PTPRT: variants seen among roughly 807,000 people sequenced by gnomAD.
The protein encoded by PTPRT is receptor-type tyrosine-protein phosphatase T.
In PTPRT, 56 loss-of-function variants were observed where a neutral mutation model predicts 176.8. The ratio of observed to expected loss-of-function variants is 0.32; its 90% CI spans 0.26 to 0.40. The LOEUF (loss-of-function observed/expected upper bound fraction) is 0.40. Ranked by LOEUF, PTPRT falls within the 10% of genes least tolerant of loss-of-function variation. PTPRT has a pLI of 1.00. For missense variants in PTPRT, 1,540 were observed against 1,908.2 expected, an observed-to-expected ratio of 0.81 and a Z score of 3.60; for synonymous variants, 783 against 739.0, an observed-to-expected ratio of 1.06 and a Z score of -0.96.
chr20:42,239,177 A>G (rs1021092448), intron 14 of PTPRT, among the ~76,000 whole-genome samples: 2 of 152,184 alleles, frequency 1.3e-5, no homozygotes, highest in African/African-American at 4.8e-5. Flanking sequence ...CCTCTTTAGG[A>G]ATAATAAAAT....
At chr20:43,152,314 T>A (rs2014381837) in intron 1 of PTPRT, among the ~76,000 whole-genome samples, 1 of 152,228 alleles carries the variant, frequency 6.6e-6, no homozygotes, top group Non-Finnish European at 1.5e-5. Context: ...TCCCCTAGTA[T>A]CTTTGTTTTC....
intron 2 of PTPRT, among the ~76,000 whole-genome samples, chr20:42,831,419 A>C (rs1199945250): frequency 6.6e-6 from 1 of 152,228 alleles, no homozygotes; most frequent in Admixed American, 6.5e-5. Flanking sequence ...CCAAACTATA[A>C]AAACCCTAGA....
chr20:42,421,070 G>A (rs73121632), intron 9 of PTPRT, among the ~76,000 whole-genome samples: 17,674 of 152,148 alleles, frequency 0.12, 1,016 homozygotes, highest in Middle Eastern at 0.14. Context: ...GGTTGATCCA[G>A]AACTGCTTCT....
At chr20:42,163,511 T>A (rs904917875) in intron 16 of PTPRT, among the ~76,000 whole-genome samples, 1 of 152,186 alleles carries the variant, frequency 6.6e-6, no homozygotes. Context: ...GTTCCCTTTC[T>A]CCATCAACCC....
At chr20:42,271,684 C>A (rs1241059252) in intron 13 of PTPRT, among the ~76,000 whole-genome samples, 2 of 152,208 alleles carry the variant, frequency 1.3e-5, no homozygotes, top group African/African-American at 4.8e-5. Context: ...AGGTTGTATT[C>A]AAACCCTGGT....
At chr20:42,478,296 T>C (rs1272511721) in intron 7 of PTPRT, among the ~76,000 whole-genome samples, 1 of 152,190 alleles carries the variant, frequency 6.6e-6, no homozygotes, top group Non-Finnish European at 1.5e-5. Flanking sequence ...CAGGCTTGTG[T>C]TCATGCATGT....
chr20:43,177,993 G>A (rs959192452), intron 1 of PTPRT, among the ~76,000 whole-genome samples: 2 of 152,158 alleles, frequency 1.3e-5, no homozygotes, highest in Non-Finnish European at 2.9e-5. Flanking sequence ...TCATTGAGAT[G>A]GAAAATTCAC....
the PTPRT span, among the ~76,000 whole-genome samples, chr20:42,048,625 C>T: frequency 4.6e-5 from 7 of 152,154 alleles, 1 homozygote; most frequent in African/African-American, 1.7e-4. Context: ...CATCAACCTA[C>T]AGACATGTGA....
At chr20:43,025,772 G>T (rs1025163822) in intron 1 of PTPRT, among the ~76,000 whole-genome samples, 2 of 152,098 alleles carry the variant, frequency 1.3e-5, no homozygotes, top group Non-Finnish European at 2.9e-5. Flanking sequence ...AAATTCTATT[G>T]GTAACTGTCA....
At position 42,739,745 on chromosome 20, in the gene PTPRT, T is replaced by C. The variant is rs145284692; in HGVS notation, c.859+16717A>G. Among the ~76,000 whole-genome samples the C allele has an allele frequency of 7.4e-4, 112 of 152,324 alleles. 1 individual carries two copies. The highest frequency in any genetic ancestry group is 6.9e-3 in the Admixed American group (105 of 15,298). ...TTAAGGTATTAATAGATCATTCTCA[T>C]TGTTATTTAAGCCTGAAAGCAGGAG... On this transcript the variant is annotated intron_variant, in intron 6 of 30. Coordinates refer to ENST00000373187, the MANE Select transcript of PTPRT (RefSeq NM_007050.6).
intron 6 of PTPRT, among the ~76,000 whole-genome samples, chr20:42,704,224 C>G (rs1277109317): frequency 1.3e-5 from 2 of 152,054 alleles, no homozygotes; most frequent in Non-Finnish European, 2.9e-5. Context: ...GTCCCCACTT[C>G]CTAACAGCTC....
Position 42,073,726 on chromosome 20 carries a change from A to G in PTPRT, c.*7153T>C, listed in dbSNP as rs2146047013. The G allele has an allele frequency of 4.5e-6, 1 of 224,268 alleles. No homozygotes were observed. Among genetic ancestry groups the G allele is most frequent in the Non-Finnish European group, 8.9e-6 (1 of 112,472 alleles). 13.9% of individuals were successfully genotyped at this position (224,268 alleles called of 1,614,324 possible). Reference sequence around the variant, plus strand: ...GCATGTTGGCCTGCTCAGTGGGGGCACTTGGGTGGGAGAGCAGGGGGCTTC... The same window carrying G: ...GCATGTTGGCCTGCTCAGTGGGGGCGCTTGGGTGGGAGAGCAGGGGGCTTC... On this transcript the variant is annotated 3_prime_UTR_variant, in exon 31 of 31. Coordinates refer to ENST00000373187, the MANE Select transcript of PTPRT (RefSeq NM_007050.6).
intron 2 of PTPRT, among the ~76,000 whole-genome samples, chr20:42,846,032 C>A (rs1016774426): frequency 6.6e-6 from 1 of 152,144 alleles, no homozygotes. Context: ...AGGGACGCTA[C>A]AAGGCAGCTG....
intron 6 of PTPRT, among the ~76,000 whole-genome samples, chr20:42,693,602 T>C (rs1437884990): frequency 6.6e-6 from 1 of 152,222 alleles, no homozygotes; most frequent in African/African-American, 2.4e-5. Flanking sequence ...GACACTTCAC[T>C]GTGGTAGGAG....
At chr20:42,700,062 C>T (rs1198116191) in intron 6 of PTPRT, among the ~76,000 whole-genome samples, 1 of 152,128 alleles carries the variant, frequency 6.6e-6, no homozygotes, top group Non-Finnish European at 1.5e-5. Context: ...CCAGCTTGGC[C>T]ACTGGGCAGT....
At chr20:42,378,844 C>A (rs2058673079) in intron 9 of PTPRT, among the ~76,000 whole-genome samples, 3 of 152,200 alleles carry the variant, frequency 2.0e-5, no homozygotes, top group Admixed American at 2.0e-4. Flanking sequence ...TTAAATAATT[C>A]ATGCAAAGCT....
chr20:42,091,264 G>C lies in PTPRT; in HGVS notation c.3847-5411C>G, dbSNP rs534013572. Among the ~76,000 whole-genome samples the C allele has an allele frequency of 2.2e-4, 34 of 152,288 alleles. No individual in the cohort carries two copies. The South Asian group carries it at 3.7e-3, about 17-fold the overall frequency. On this transcript the variant is annotated intron_variant, in intron 27 of 30. Transcript: ENST00000373187. ...TTTGGGCCATGAAAAGATGTCCTTG[G>C]GGGGTGCAAGTTCACGTGTGATATA...
At chr20:42,407,059 C>G (rs987253285) in intron 9 of PTPRT, among the ~76,000 whole-genome samples, 1 of 152,122 alleles carries the variant, frequency 6.6e-6, no homozygotes, top group Non-Finnish European at 1.5e-5. Flanking sequence ...ACATTTGAGC[C>G]AATCAGCACA....
intron 19 of PTPRT, among the ~76,000 whole-genome samples, chr20:42,125,605 C>T (rs755544817): frequency 3.9e-5 from 6 of 152,218 alleles, no homozygotes; most frequent in Non-Finnish European, 8.8e-5. Context: ...GTGCTCTTAA[C>T]CTACAGCTCT....
Sources: gnomAD v4.1 joint callset for allele counts (sites outside exome capture counted in the v4.1 genomes callset) on GRCh38, gnomAD v4.1.1 for gene constraint, MANE v1.5 for transcripts, NCBI Gene and HGNC (gene_info 2026-07-23, HGNC 2026-07-21) for gene names.